CUEDC1: variants seen among roughly 807,000 people sequenced by gnomAD.
CUEDC1 encodes the protein CUE domain-containing protein 1.
In CUEDC1, 30 loss-of-function variants were observed where a neutral mutation model predicts 43.7. The observed-to-expected ratio is 0.69, with a 90% CI of 0.51 to 0.93. The LOEUF (loss-of-function observed/expected upper bound fraction) is 0.93, where lower values mean the gene tolerates loss of function less well. CUEDC1 is among the 40% of genes least tolerant of loss of function. The pLI, the probability that CUEDC1 is intolerant of heterozygous loss-of-function variation, is 0.00. For missense variants in CUEDC1, 486 were observed against 549.0 expected, an observed-to-expected ratio of 0.89 and a Z score of 1.15; for synonymous variants, 223 against 223.6, an observed-to-expected ratio of 1.00 and a Z score of 0.02.
intron 3 of CUEDC1, 69 bp from the exon 4 acceptor site, chr17:57,873,786 C>T (rs1483719990): frequency 2.1e-6 from 3 of 1,435,014 alleles, no homozygotes; most frequent in Non-Finnish European, 2.8e-6. Context: ...GGCCCCATCA[C>T]ACCAGGTCCT....
chr17:57,936,154 T>C (rs570666569), intron 1 of CUEDC1, among the ~76,000 whole-genome samples: 1 of 152,208 alleles, frequency 6.6e-6, no homozygotes, highest in Admixed American at 6.5e-5. Flanking sequence ...TCAGGCCCTG[T>C]GGGCTGCGGG....
rs1381938434 is a variant in CUEDC1 at position 57,930,212 on chromosome 17, T to C, written c.-316+25013A>G. 6.6e-6 allele frequency among the ~76,000 whole-genome samples: 1 copy of C among 152,220 alleles called. No homozygotes were observed. The highest frequency in any genetic ancestry group is 1.9e-4 in the East Asian group (1 of 5,202). ...TGATTCTCCATTTCTAACCAGGTGA[T>C]GTCAGCGCTGCTGGTCTAGGGACCT... On this transcript the variant is annotated intron_variant, in intron 1 of 10. Coordinates refer to ENST00000577830, the MANE Select transcript of CUEDC1 (RefSeq NM_001271875.2). The surrounding 1 kb of genome is among the most constrained non-coding windows in gnomAD (Gnocchi z 4.2).
At chr17:57,874,019 T>A (rs781037082) in intron 3 of CUEDC1, among the ~76,000 whole-genome samples, 2 of 152,234 alleles carry the variant, frequency 1.3e-5, no homozygotes, top group African/African-American at 2.4e-5. Flanking sequence ...CATAGATGTT[T>A]ACAAATGTCC....
At chr17:57,875,280 C>G (rs1344690170) in intron 3 of CUEDC1, among the ~76,000 whole-genome samples, 1 of 152,206 alleles carries the variant, frequency 6.6e-6, no homozygotes, top group Non-Finnish European at 1.5e-5. Flanking sequence ...TTAACCACAC[C>G]TCGGAGCCAC....
chr17:57,940,664 G>GA (rs1222829157), intron 1 of CUEDC1, among the ~76,000 whole-genome samples: 1 of 152,170 alleles, frequency 6.6e-6, no homozygotes, highest in African/African-American at 2.4e-5. Context: ...TAAAGCACAG[G>GA]AATTTTTCAG....
At chr17:57,891,293 C>A (rs1213301057) in intron 1 of CUEDC1, among the ~76,000 whole-genome samples, 2 of 152,244 alleles carry the variant, frequency 1.3e-5, no homozygotes, top group Non-Finnish European at 2.9e-5. Context: ...TTGTTAATGG[C>A]AACTCTCCCT....
chr17:57,944,210 A>AT (rs60055226), intron 1 of CUEDC1, among the ~76,000 whole-genome samples: 2,208 of 139,812 alleles, frequency 0.016, 36 homozygotes, highest in Non-Finnish European at 0.022. Flanking sequence ...ATATATATAT[A>AT]TTTTTTTTTT....
At chr17:57,911,621 A>G (rs2074584341) in intron 1 of CUEDC1, among the ~76,000 whole-genome samples, 1 of 151,516 alleles carries the variant, frequency 6.6e-6, no homozygotes. Context: ...TTCTGCCTCA[A>G]CCTCCCGAGT....
intron 1 of CUEDC1, among the ~76,000 whole-genome samples, chr17:57,937,705 C>T (rs529438193): frequency 6.6e-6 from 1 of 151,452 alleles, no homozygotes; most frequent in African/African-American, 2.4e-5. Context: ...TTGGTAGGAT[C>T]ACCAGCCTGG....
chr17:57,950,716 G>A (rs370227447), intron 1 of CUEDC1, among the ~76,000 whole-genome samples: 2 of 152,060 alleles, frequency 1.3e-5, no homozygotes, highest in South Asian at 2.1e-4. Context: ...CAGGTGATCC[G>A]CCCGCCTCGG....
At chr17:57,886,072 G>GCAAGGGATT (rs1292578616) in intron 1 of CUEDC1, among the ~76,000 whole-genome samples, 193 bp from the exon 2 acceptor site, 2 of 152,196 alleles carry the variant, frequency 1.3e-5, no homozygotes, top group Non-Finnish European at 2.9e-5. Flanking sequence ...GCACAGGACA[G>GCAAGGGATT]CCACCAGTTA....
rs1422478728 is a variant in CUEDC1 at position 57,955,092 on chromosome 17, C to T, written c.-316+133G>A. 3 of 150,444 alleles carry T rather than the reference C, an allele frequency of 2.0e-5. No homozygotes were observed. The highest frequency in any genetic ancestry group is 2.0e-4 in the Admixed American group (3 of 15,130). 9.3% of individuals were successfully genotyped at this position (150,444 alleles called of 1,614,324 possible). The stretch of plus-strand genomic sequence containing the variant: ...CAAACTCGCGACGGCCCGGCCCTCC[C>T]GGCGGCGCCTGGGCAACGGGTCCCG... On this transcript the variant is annotated intron_variant, in intron 1 of 10. Transcript: ENST00000577830. The surrounding 1 kb of genome is among the most constrained non-coding windows in gnomAD (Gnocchi z 5.3).
At chr17:57,893,349 A>ATGTGTGTGTGTGTGGGTGTGTGTGTG (rs2074375189) in intron 1 of CUEDC1, among the ~76,000 whole-genome samples, 1 of 148,262 alleles carries the variant, frequency 6.7e-6, no homozygotes, top group African/African-American at 2.5e-5. Flanking sequence ...CTCTCAGGGT[A>ATGTGTGTGTGTGTGGGTGTGTGTGTG]TGTGTGTGTG....
chr17:57,879,860 G>T, intron 2 of CUEDC1, 122 bp from the exon 3 acceptor site: 1 of 1,012,520 alleles, frequency 9.9e-7, no homozygotes, highest in Non-Finnish European at 1.4e-6. Context: ...TTGCTAGTGG[G>T]AGTGTAAATC....
intron 3 of CUEDC1, 60 bp downstream of exon 3, chr17:57,879,551 G>T: frequency 1.3e-6 from 2 of 1,518,856 alleles, no homozygotes; most frequent in African/African-American, 1.4e-5. Context: ...TTTGTACACA[G>T]CCCCAGCCAC....
Position 57,913,096 on chromosome 17 carries a change from C to T in CUEDC1, c.-315-27217G>A, listed in dbSNP as rs1016477455. Among the ~76,000 whole-genome samples, 134 of 152,010 alleles carry T rather than the reference C, an allele frequency of 8.8e-4. 1 individual carries two copies. Among genetic ancestry groups the T allele is most frequent in the Non-Finnish European group, 3.1e-4 (21 of 67,964 alleles). On this transcript the variant is annotated intron_variant, in intron 1 of 10. Coordinates refer to ENST00000577830, the MANE Select transcript of CUEDC1 (RefSeq NM_001271875.2). ...ATCCCAGCACTTTGGGAGGCCGAGG[C>T]GGGTGGATTACCTGAGGTCAGGGGT...
chr17:57,867,042 G>A (rs1946196585), intron 9 of CUEDC1: 5 of 464,884 alleles, frequency 1.1e-5, no homozygotes, highest in South Asian at 2.6e-5. Context: ...TCAGGCCGAG[G>A]GTCCCCCATG....
intron 3 of CUEDC1, 53 bp downstream of exon 3, chr17:57,879,558 C>G (rs1439321531): frequency 6.5e-7 from 1 of 1,527,950 alleles, no homozygotes; most frequent in Non-Finnish European, 8.7e-7. Flanking sequence ...ACAGCCCCAG[C>G]CACTGATCCT....
chr17:57,911,535 C>T (rs1202964556), intron 1 of CUEDC1, among the ~76,000 whole-genome samples: 1 of 152,152 alleles, frequency 6.6e-6, no homozygotes, highest in Admixed American at 6.5e-5. Context: ...TGGGGTCTTG[C>T]TCTGTCACCC....
Sources: gnomAD v4.1 joint callset for allele counts (sites outside exome capture counted in the v4.1 genomes callset) on GRCh38, gnomAD v4.1.1 for gene constraint, Gnocchi (gnomAD v3.1) non-coding constraint, MANE v1.5 for transcripts, NCBI Gene and HGNC (gene_info 2026-07-23, HGNC 2026-07-21) for gene names.